PARD3B: variants seen among roughly 807,000 people sequenced by gnomAD.
The protein encoded by PARD3B is par-3 family cell polarity regulator beta.
PARD3B carries 103 observed loss-of-function variants against 130.2 expected under a neutral mutation model. The ratio of observed to expected loss-of-function variants is 0.79; its 90% CI spans 0.67 to 0.93. The LOEUF is 0.93. Ranked by LOEUF, PARD3B falls within the 40% of genes least tolerant of loss-of-function variation. The pLI, the probability that PARD3B is intolerant of heterozygous loss-of-function variation, is 0.00. For missense variants in PARD3B, 1,609 were observed against 1,499.2 expected, an observed-to-expected ratio of 1.07 and a Z score of -1.21; for synonymous variants, 583 against 553.2, an observed-to-expected ratio of 1.05 and a Z score of -0.76.
chr2:205,026,794 C>G (rs1345368280), intron 3 of PARD3B, among the ~76,000 whole-genome samples: 1 of 152,134 alleles, frequency 6.6e-6, no homozygotes, highest in East Asian at 1.9e-4. Flanking sequence ...CTTTTGGTGT[C>G]TGGCTTATTT....
At chr2:204,916,590 G>C (rs2047454683) in intron 2 of PARD3B, among the ~76,000 whole-genome samples, 1 of 152,078 alleles carries the variant, frequency 6.6e-6, no homozygotes, top group Non-Finnish European at 1.5e-5. Context: ...ATCCAGAAGA[G>C]TGTATTTTAT....
chr2:205,307,609 C>T (rs1384088393), intron 18 of PARD3B, among the ~76,000 whole-genome samples: 1 of 152,148 alleles, frequency 6.6e-6, no homozygotes, highest in Non-Finnish European at 1.5e-5. Context: ...TGCTGTCAGT[C>T]CTAGGCCACC....
rs187904779 is a variant in PARD3B at position 205,274,756 on chromosome 2, C to G, written c.2186-25774C>G. On this transcript the variant is annotated intron_variant, in intron 16 of 22. Transcript: ENST00000406610. This position sits in a 1 kb window ranked among gnomAD's most constrained non-coding sequence, Gnocchi z 4.2. ...CAACTTTTAAGCCCTCTACAGAAATCATTATATTATTTTATAAAGAATCCA... is the reference window on the plus strand; with the variant it reads ...CAACTTTTAAGCCCTCTACAGAAATGATTATATTATTTTATAAAGAATCCA... 1.4e-3 allele frequency among the ~76,000 whole-genome samples: 220 copies of G among 152,194 alleles called. 1 individual carries two copies. The highest frequency in any genetic ancestry group is 5.1e-3 in the African/African-American group (211 of 41,540).
At chr2:204,597,426 G>A (rs1321913694) in intron 1 of PARD3B, among the ~76,000 whole-genome samples, 1 of 152,144 alleles carries the variant, frequency 6.6e-6, no homozygotes, top group African/African-American at 2.4e-5. Flanking sequence ...GCCTGTCCAG[G>A]TAATGTGATG....
At position 205,292,825 on chromosome 2, in the gene PARD3B, G is replaced by C. The variant is rs1318786529; in HGVS notation, c.2186-7705G>C. Among the ~76,000 whole-genome samples, 2 of 152,118 alleles carry C rather than the reference G, an allele frequency of 1.3e-5. No homozygotes were observed. The highest frequency in any genetic ancestry group is 2.4e-5 in the African/African-American group (1 of 41,422). On this transcript the variant is annotated intron_variant, in intron 16 of 22. Transcript: ENST00000406610. This position sits in a 1 kb window ranked among gnomAD's most constrained non-coding sequence, Gnocchi z 5.3. ...AACTGTAAAGCCACAGAAAATGTTAGTTATAGTCACATTTATCTTCCATTC... is the reference window on the plus strand; with the variant it reads ...AACTGTAAAGCCACAGAAAATGTTACTTATAGTCACATTTATCTTCCATTC...
chr2:204,552,591 G>C (rs2030540471), intron 1 of PARD3B, among the ~76,000 whole-genome samples: 1 of 152,128 alleles, frequency 6.6e-6, no homozygotes, highest in Non-Finnish European at 1.5e-5. Flanking sequence ...TGTCTAGAAG[G>C]GTTTTTCCAA....
chr2:205,312,396 A>T (rs2042420929), intron 18 of PARD3B, among the ~76,000 whole-genome samples: 1 of 152,328 alleles, frequency 6.6e-6, no homozygotes, highest in Admixed American at 6.5e-5. Context: ...AGAGTTCTTA[A>T]TTCAACTTCA....
intron 3 of PARD3B, among the ~76,000 whole-genome samples, chr2:205,031,025 G>A (rs56407253): frequency 0.016 from 2,366 of 152,206 alleles, 38 homozygotes; most frequent in East Asian, 0.043. Flanking sequence ...AGTGACCAAG[G>A]TCTGTGGACA....
At chr2:205,602,271 G>A (rs1383273828) in intron 22 of PARD3B, among the ~76,000 whole-genome samples, 1 of 152,126 alleles carries the variant, frequency 6.6e-6, no homozygotes, top group Non-Finnish European at 1.5e-5. Context: ...CGCTGGATTT[G>A]GTTTGCCAGT....
At chr2:205,543,881 G>A (rs971477125) in intron 21 of PARD3B, among the ~76,000 whole-genome samples, 4 of 152,142 alleles carry the variant, frequency 2.6e-5, no homozygotes, top group African/African-American at 9.7e-5. Context: ...CTTTATAAAT[G>A]GAAGTATACC....
intron 4 of PARD3B, among the ~76,000 whole-genome samples, chr2:205,068,440 T>G (rs1700521845): frequency 6.6e-6 from 1 of 152,166 alleles, no homozygotes; most frequent in Non-Finnish European, 1.5e-5. Flanking sequence ...TACTATTAGT[T>G]TAAAAAATTG....
At chr2:205,536,421 C>T (rs1253325566) in intron 21 of PARD3B, among the ~76,000 whole-genome samples, 1 of 152,154 alleles carries the variant, frequency 6.6e-6, no homozygotes, top group African/African-American at 2.4e-5. Context: ...TTGATCTCTG[C>T]TCCTAAGGAA....
At chr2:204,589,356 G>A (rs896729096) in intron 1 of PARD3B, among the ~76,000 whole-genome samples, 1 of 152,146 alleles carries the variant, frequency 6.6e-6, no homozygotes, top group East Asian at 1.9e-4. Context: ...GTAATAAGAT[G>A]GGATAAATCA....
At chr2:205,290,291 C>T (rs2041558853) in intron 16 of PARD3B, among the ~76,000 whole-genome samples, 1 of 152,150 alleles carries the variant, frequency 6.6e-6, no homozygotes, top group African/African-American at 2.4e-5. Context: ...TTTATCTTTG[C>T]TCTACACATA....
At chr2:205,469,420 T>C (rs1425353489) in intron 20 of PARD3B, among the ~76,000 whole-genome samples, 3 of 152,174 alleles carry the variant, frequency 2.0e-5, no homozygotes, top group Non-Finnish European at 4.4e-5. Context: ...TCTTTGGTTC[T>C]CACCACTGGG....
chr2:204,746,743 G>T lies in PARD3B; in HGVS notation c.222+60461G>T, dbSNP rs9677532. ...TCTCTGATGGCCAGTGATGACGAGCGTTTTTTCATGTGTCTGTTGGCTGCA... is the reference window on the plus strand; with the variant it reads ...TCTCTGATGGCCAGTGATGACGAGCTTTTTTTCATGTGTCTGTTGGCTGCA... On this transcript the variant is annotated intron_variant, in intron 2 of 22. Transcript: ENST00000406610. 2.2e-4 allele frequency among the ~76,000 whole-genome samples: 34 copies of T among 151,988 alleles called. No homozygotes were observed. The South Asian group carries it at 6.6e-3, about 30-fold the overall frequency.
rs1240117556 is a variant in PARD3B, at chr2:205,125,532, G to A, written c.1306-77G>A. Reference sequence around the variant, plus strand: ...AAGTATGGGAGCCCATTTGCTTCTTGTTTTCAAAAACTATCTAGTGTAGAA... The same window carrying A: ...AAGTATGGGAGCCCATTTGCTTCTTATTTTCAAAAACTATCTAGTGTAGAA... On this transcript the variant is annotated intron_variant, in intron 9 of 22. Coordinates refer to ENST00000406610, the MANE Select transcript of PARD3B (RefSeq NM_001302769.2). This position sits in a 1 kb window ranked among gnomAD's most constrained non-coding sequence, Gnocchi z 4.0. The A allele has an allele frequency of 6.6e-7, 1 of 1,510,564 alleles. No individual in the cohort carries two copies. Among genetic ancestry groups the A allele is most frequent in the Non-Finnish European group, 8.9e-7 (1 of 1,118,540 alleles). 93.6% of individuals were successfully genotyped at this position (1,510,564 alleles called of 1,614,324 possible). A position where few individuals can be genotyped will look rare whatever the true frequency, so the allele number is the denominator to read the frequency against.
intron 21 of PARD3B, among the ~76,000 whole-genome samples, chr2:205,511,730 G>A (rs969301663): frequency 3.3e-5 from 5 of 152,114 alleles, no homozygotes; most frequent in Admixed American, 1.3e-4. Flanking sequence ...GTCTGGAGTC[G>A]AAGATATGAA....
intron 13 of PARD3B, among the ~76,000 whole-genome samples, chr2:205,179,667 G>T (rs2035678490): frequency 6.6e-6 from 1 of 152,152 alleles, no homozygotes; most frequent in Non-Finnish European, 1.5e-5. Context: ...CTATGATGTT[G>T]ATGCAAGGAC....
Sources: gnomAD v4.1 joint callset for allele counts (sites outside exome capture counted in the v4.1 genomes callset) on GRCh38, gnomAD v4.1.1 for gene constraint, Gnocchi (gnomAD v3.1) non-coding constraint, MANE v1.5 for transcripts, NCBI Gene and HGNC (gene_info 2026-07-23, HGNC 2026-07-21) for gene names.